The following BIRC6 variants were observed in gnomAD, a reference collection of about 807,000 sequenced individuals.
The protein encoded by BIRC6 is dual E2 ubiquitin-conjugating enzyme/E3 ubiquitin-protein ligase BIRC6.
BIRC6 carries 98 observed loss-of-function variants against 503.3 expected under a neutral mutation model. The observed-to-expected ratio is 0.19, with a 90% CI of 0.17 to 0.23. The LOEUF (loss-of-function observed/expected upper bound fraction) is 0.23. Ranked by LOEUF, BIRC6 falls within the 10% of genes least tolerant of loss-of-function variation. The pLI, the probability that BIRC6 is intolerant of heterozygous loss-of-function variation, is 1.00. For missense variants in BIRC6, 5,360 were observed against 5,806.0 expected (o/e 0.92, Z 2.50); for synonymous variants, 2,240 against 2,078.7 (o/e 1.08, Z -2.11).
chr2:32,398,115 G>A (rs1412806994), intron 6 of BIRC6, among the ~76,000 whole-genome samples: 1 of 152,084 alleles, frequency 6.6e-6, no homozygotes, highest in African/African-American at 2.4e-5. Flanking sequence ...TTGACTGTGC[G>A]AGTTGATAGA....
intron 61 of BIRC6, among the ~76,000 whole-genome samples, chr2:32,542,074 A>G (rs2057704972): frequency 6.6e-6 from 1 of 151,942 alleles, no homozygotes; most frequent in African/African-American, 2.4e-5. Context: ...CATGGCCTTC[A>G]TGGCCTTGAC....
intron 45 of BIRC6, among the ~76,000 whole-genome samples, chr2:32,494,063 A>C (rs1042197561): frequency 6.6e-6 from 1 of 152,286 alleles, no homozygotes; most frequent in South Asian, 2.1e-4. Flanking sequence ...CTTGTGTAGA[A>C]ATTCTAAATA....
At chr2:32,573,051 A>G (rs975323088) in intron 65 of BIRC6, among the ~76,000 whole-genome samples, 5 of 152,174 alleles carry the variant, frequency 3.3e-5, no homozygotes, top group African/African-American at 9.7e-5. Context: ...TTAGTTTTCT[A>G]TATAGCATTC....
Position 32,503,215 on chromosome 2 carries a change from A to T in BIRC6, c.9478A>T (p.Ile3160Phe). 1 of 1,608,586 alleles carries T rather than the reference A, an allele frequency of 6.2e-7. No individual in the cohort carries two copies. The highest frequency in any genetic ancestry group is 8.5e-7 in the Non-Finnish European group (1 of 1,178,210). Residue 3160 changes from isoleucine (I) to phenylalanine (F), a missense_variant, in exon 49 of 74, where the codon ATT (isoleucine) becomes TTT (phenylalanine). This residue lies in a region of BIRC6 where 267 missense variants were observed against 287.6 expected (regional missense o/e 0.93). Transcript: ENST00000421745. Reference sequence around the variant, plus strand: ...TTCTGAGCCTGACAATGCTGAAGGGATTCATAACTTTGCACCCCTCGGTAA... The same window carrying T: ...TTCTGAGCCTGACAATGCTGAAGGGTTTCATAACTTTGCACCCCTCGGTAA... ...LASEPDNAEG[I>F]HNFAPLGTIT... is the part of the protein sequence containing the mutation.
At chr2:32,533,779 T>C (rs748288857) in intron 61 of BIRC6, among the ~76,000 whole-genome samples, 10 of 152,200 alleles carry the variant, frequency 6.6e-5, no homozygotes, top group Non-Finnish European at 1.3e-4. Context: ...GAGGAACTGT[T>C]ATTTCCTAAG....
At chr2:32,414,730 A>T in intron 9 of BIRC6, 39 bp from the exon 10 acceptor site, 1 of 1,486,308 alleles carries the variant, frequency 6.7e-7, no homozygotes, top group Non-Finnish European at 9.2e-7. Flanking sequence ...TGACTGGATG[A>T]GTAGAAACAT....
chr2:32,411,399 T>TTATA (rs71991258), intron 9 of BIRC6, among the ~76,000 whole-genome samples: 20 of 140,906 alleles, frequency 1.4e-4, no homozygotes, highest in African/African-American at 5.0e-4. Context: ...ATTAAGGCAA[T>TTATA]TATATATATA....
chr2:32,591,097 A>C (rs1483977634), intron 66 of BIRC6: 1 of 489,708 alleles, frequency 2.0e-6, no homozygotes, highest in Non-Finnish European at 2.7e-6. Flanking sequence ...AGAATCATTG[A>C]TAGGCAGGTA....
chr2:32,469,490 C>G lies in BIRC6; in HGVS notation c.6223C>G (p.Arg2075Gly). 1 of 1,613,852 alleles carries G rather than the reference C, an allele frequency of 6.2e-7. No individual in the cohort carries two copies. The highest frequency in any genetic ancestry group is 8.5e-7 in the Non-Finnish European group (1 of 1,179,784). Reference protein sequence around the residue: ...HLCISGTPKIRLHTGLLLVQL... With the variant: ...HLCISGTPKIGLHTGLLLVQL... Reference sequence around the variant, plus strand: ...GTGCATCAGTGGAACCCCAAAGATACGGTTACATACTGGTCTTCTTCTTGT... The same window carrying G: ...GTGCATCAGTGGAACCCCAAAGATAGGGTTACATACTGGTCTTCTTCTTGT... The change falls in exon 30 of 74, where the codon CGG (arginine) becomes GGG (glycine). Residue 2075 changes from arginine (R) to glycine (G), a missense_variant. Physicochemically the swap from Arg to Gly is moderately radical, Grantham distance 125. Coordinates refer to ENST00000421745, the MANE Select transcript of BIRC6 (RefSeq NM_016252.4).
intron 40 of BIRC6, 109 bp from the exon 41 acceptor site, chr2:32,487,538 T>C: frequency 1.1e-6 from 1 of 935,592 alleles, no homozygotes; most frequent in African/African-American, 1.7e-5. Context: ...TTCTAAAGAA[T>C]GCAGTTTTAA....
At chr2:32,396,947 C>G (rs1248596183) in intron 6 of BIRC6, among the ~76,000 whole-genome samples, 4 of 151,970 alleles carry the variant, frequency 2.6e-5, no homozygotes, top group Non-Finnish European at 4.4e-5. Flanking sequence ...AGGTTGGTCT[C>G]GAACTCCTGA....
chr2:32,417,516 A>C (rs955474902), intron 10 of BIRC6, among the ~76,000 whole-genome samples: 4 of 152,188 alleles, frequency 2.6e-5, no homozygotes, highest in African/African-American at 9.6e-5. Flanking sequence ...TGACAATATC[A>C]GGCAAAATGA....
At chr2:32,392,628 A>AT (rs1415111769) in intron 5 of BIRC6, among the ~76,000 whole-genome samples, 6 of 151,946 alleles carry the variant, frequency 3.9e-5, no homozygotes, top group African/African-American at 1.5e-4. Flanking sequence ...AATTATTTTT[A>AT]TTTTTTGTCT....
At position 32,467,631 on chromosome 2, in the gene BIRC6, A is replaced by G. The variant is rs1301867580; in HGVS notation, c.5463A>G (p.Thr1821=). Residue 1821 remains threonine (T), a synonymous_variant, in exon 27 of 74, where the codon ACA becomes ACG. Coordinates refer to ENST00000421745, the MANE Select transcript of BIRC6 (RefSeq NM_016252.4). ...DLASLSIDIW[T]LGEEVDGRRL... is the part of the protein sequence containing the mutation. ...CCTCTTTGTCAATTGACATTTGGAC[A>G]TTAGGAGAAGAGGTGGATGGAAGGC... 3.1e-6 allele frequency: 5 copies of G among 1,613,954 alleles called. No homozygotes were observed. Among genetic ancestry groups the G allele is most frequent in the Admixed American group, 1.7e-5 (1 of 60,026 alleles).
chr2:32,372,345 A>G (rs1274846919), intron 1 of BIRC6, among the ~76,000 whole-genome samples: 1 of 152,092 alleles, frequency 6.6e-6, no homozygotes, highest in Admixed American at 6.6e-5. Context: ...TGTTCTCCAT[A>G]CTATGGAGTT....
intron 33 of BIRC6, among the ~76,000 whole-genome samples, chr2:32,475,057 C>G (rs2149074646): frequency 6.7e-6 from 1 of 149,116 alleles, no homozygotes; most frequent in Admixed American, 6.8e-5. Context: ...CCCAGTTACT[C>G]AGGAGGATGA....
chr2:32,448,838 T>G lies in BIRC6; in HGVS notation c.4528T>G (p.Leu1510Val), dbSNP rs752310620. ...SSPFDPVLFD[L>V]EMSGSSCKNV... Reference sequence around the variant, plus strand: ...ACCATTTGATCCAGTCCTCTTTGATTTGGAGATGAGTGGCTCTTCTTGTAA... The same window carrying G: ...ACCATTTGATCCAGTCCTCTTTGATGTGGAGATGAGTGGCTCTTCTTGTAA... Residue 1510 changes from leucine (L) to valine (V), a missense_variant, in exon 22 of 74, where the codon TTG (leucine) becomes GTG (valine). By Grantham distance (32) the Leu-to-Val change is conservative (BLOSUM62 1). Coordinates refer to ENST00000421745, the MANE Select transcript of BIRC6 (RefSeq NM_016252.4). 2.5e-6 allele frequency: 4 copies of G among 1,613,530 alleles called. No homozygotes were observed. Among genetic ancestry groups the G allele is most frequent in the Non-Finnish European group, 3.4e-6 (4 of 1,179,582 alleles).
At chr2:32,557,902 A>C (rs1386239169) in intron 65 of BIRC6, 1 of 152,216 alleles carries the variant, frequency 6.6e-6, no homozygotes, top group East Asian at 1.9e-4. Context: ...TTGTGAAGCA[A>C]ATTGCTAGAA....
intron 45 of BIRC6, among the ~76,000 whole-genome samples, chr2:32,499,132 T>G (rs1347091343): frequency 6.6e-6 from 1 of 152,244 alleles, no homozygotes; most frequent in Non-Finnish European, 1.5e-5. Flanking sequence ...GAGAATGATT[T>G]GATTGAATCT....
Sources: gnomAD v4.1 joint callset for allele counts (sites outside exome capture counted in the v4.1 genomes callset) on GRCh38, gnomAD v4.1.1 for gene constraint, gnomAD v4.1.1 regional missense constraint, MANE v1.5 for transcripts, NCBI Gene and HGNC (gene_info 2026-07-23, HGNC 2026-07-21) for gene names.